The following ZNF407 variants were observed in gnomAD, a reference collection of about 807,000 sequenced individuals.
The protein encoded by ZNF407 is zinc finger protein 407.
ZNF407 carries 17 observed loss-of-function variants against 131.2 expected under a neutral mutation model. The observed-to-expected ratio is 0.13, with a 90% CI of 0.09 to 0.19. The LOEUF (loss-of-function observed/expected upper bound fraction) is 0.19. Ranked by LOEUF, ZNF407 falls within the 10% of genes least tolerant of loss-of-function variation. ZNF407 has a pLI of 1.00. For missense variants in ZNF407, 2,681 were observed against 2,830.6 expected, an observed-to-expected ratio of 0.95 and a Z score of 1.20; for synonymous variants, 1,156 against 1,062.0, an observed-to-expected ratio of 1.09 and a Z score of -1.72.
chr18:74,752,680 G>A (rs1266810113), intron 3 of ZNF407, among the ~76,000 whole-genome samples: 1 of 152,176 alleles, frequency 6.6e-6, no homozygotes, highest in Non-Finnish European at 1.5e-5. Context: ...AGATCAGATG[G>A]TTGTAGACGT....
intron 2 of ZNF407, among the ~76,000 whole-genome samples, chr18:74,636,141 A>T (rs1395632638): frequency 6.6e-6 from 1 of 152,192 alleles, no homozygotes; most frequent in Non-Finnish European, 1.5e-5. Context: ...AATATTCATC[A>T]TTAGATATTT....
At chr18:75,028,049 C>T (rs1335879708) in intron 8 of ZNF407, among the ~76,000 whole-genome samples, 1 of 152,170 alleles carries the variant, frequency 6.6e-6, no homozygotes, top group Non-Finnish European at 1.5e-5. Flanking sequence ...CCACTGCAGT[C>T]CTGGAAGATT....
chr18:74,724,416 C>T (rs1296512358), intron 3 of ZNF407, among the ~76,000 whole-genome samples: 1 of 152,058 alleles, frequency 6.6e-6, no homozygotes, highest in East Asian at 1.9e-4. Context: ...TGCAATAGAA[C>T]ACCAGAATGT....
chr18:74,913,050 T>C (rs1470839158), intron 7 of ZNF407, among the ~76,000 whole-genome samples: 36 of 152,204 alleles, frequency 2.4e-4, no homozygotes, highest in Non-Finnish European at 8.8e-5. Flanking sequence ...TTCAAAAATT[T>C]GGTAGCCCCC....
chr18:74,775,604 T>C (rs890097489), intron 3 of ZNF407, among the ~76,000 whole-genome samples: 1 of 152,222 alleles, frequency 6.6e-6, no homozygotes, highest in African/African-American at 2.4e-5. Context: ...CGACAGCAAC[T>C]TCACCATGCT....
At chr18:74,745,228 A>T (rs760673407) in intron 3 of ZNF407, among the ~76,000 whole-genome samples, 6 of 152,182 alleles carry the variant, frequency 3.9e-5, no homozygotes, top group Non-Finnish European at 7.4e-5. Context: ...AAAAGTTCCT[A>T]GGATTGTATG....
intron 3 of ZNF407, among the ~76,000 whole-genome samples, chr18:74,749,579 A>G (rs562201210): frequency 1.4e-4 from 22 of 152,364 alleles, no homozygotes; most frequent in South Asian, 1.2e-3. Context: ...GCAGTGAAAG[A>G]AAAAGAGGAA....
At chr18:74,849,052 C>CTTTTTTTTTTTTTTTTTTTTTTTTT (rs35529971) in intron 4 of ZNF407, among the ~76,000 whole-genome samples, 5 of 122,946 alleles carry the variant, frequency 4.1e-5, no homozygotes, top group African/African-American at 6.0e-5. Flanking sequence ...ACTTTTGTTT[C>CTTTTTTTTTTTTTTTTTTTTTTTTT]TTTTTTTTTT....
intron 3 of ZNF407, among the ~76,000 whole-genome samples, chr18:74,699,927 A>C (rs1469582933): frequency 1.3e-5 from 2 of 152,110 alleles, no homozygotes; most frequent in Non-Finnish European, 2.9e-5. Flanking sequence ...TCTCTTAGTA[A>C]ATTAAAGTTG....
intron 4 of ZNF407, among the ~76,000 whole-genome samples, chr18:74,867,716 T>A (rs1208479447): frequency 6.6e-6 from 1 of 152,238 alleles, no homozygotes; most frequent in Non-Finnish European, 1.5e-5. Context: ...CCATAATGTA[T>A]GTTTTTACTA....
intron 3 of ZNF407, among the ~76,000 whole-genome samples, chr18:74,699,022 T>C (rs1967428143): frequency 6.6e-6 from 1 of 152,214 alleles, no homozygotes; most frequent in Admixed American, 6.5e-5. Context: ...CGAAAAGCAG[T>C]GAAGAACACC....
chr18:74,863,447 TTCTG>T (rs1970966463), intron 4 of ZNF407, among the ~76,000 whole-genome samples: 1 of 152,122 alleles, frequency 6.6e-6, no homozygotes, highest in African/African-American at 2.4e-5. Flanking sequence ...CAAGTGTTTC[TTCTG>T]TCTTTTACCA....
In ZNF407 at chr18:74,951,569, T is replaced by C. The variant is rs1174181286; in HGVS notation, c.5428+30877T>C. The stretch of plus-strand genomic sequence containing the variant: ...TTTGCTGCTGCTTCCTTGATCATCA[T>C]CATAGCATCCCTAGATTGCTTAACT... On this transcript the variant is annotated intron_variant, in intron 8 of 8. Coordinates refer to ENST00000299687, the MANE Select transcript of ZNF407 (RefSeq NM_017757.3). Among the ~76,000 whole-genome samples, 4 of 152,284 alleles carry C rather than the reference T, an allele frequency of 2.6e-5. No individual in the cohort carries two copies. In the East Asian group the frequency reaches 7.7e-4, roughly 29 times the overall value.
intron 8 of ZNF407, among the ~76,000 whole-genome samples, chr18:75,008,610 T>C (rs925203098): frequency 6.6e-6 from 1 of 152,242 alleles, no homozygotes; most frequent in Non-Finnish European, 1.5e-5. Flanking sequence ...TTCTTTCTTA[T>C]TAGTCATTTG....
chr18:74,730,047 C>T (rs1295205155), intron 3 of ZNF407, among the ~76,000 whole-genome samples: 2 of 152,138 alleles, frequency 1.3e-5, no homozygotes, highest in Admixed American at 1.3e-4. Context: ...AGTATTCATT[C>T]AACAAACGCC....
intron 8 of ZNF407, among the ~76,000 whole-genome samples, chr18:74,975,177 G>A (rs1181045068): frequency 3.9e-5 from 6 of 152,220 alleles, no homozygotes; most frequent in African/African-American, 1.4e-4. Context: ...GGCTTCTGCT[G>A]AAATATGCTT....
intron 4 of ZNF407, among the ~76,000 whole-genome samples, chr18:74,845,704 G>T (rs1214084676): frequency 6.6e-6 from 1 of 152,228 alleles, no homozygotes; most frequent in Non-Finnish European, 1.5e-5. Flanking sequence ...GCAAGGAAAA[G>T]ATTGAGTTTA....
intron 8 of ZNF407, chr18:74,920,918 T>G: frequency 8.2e-7 from 1 of 1,220,056 alleles, no homozygotes; most frequent in Non-Finnish European, 1.0e-6. Context: ...GACAGAGTAA[T>G]TATTTGATGA....
intron 8 of ZNF407, among the ~76,000 whole-genome samples, chr18:75,039,690 C>T (rs1396854352): frequency 7.0e-6 from 1 of 143,378 alleles, no homozygotes; most frequent in East Asian, 2.0e-4. Flanking sequence ...GATTATCTCT[C>T]AGCCTATTTC....
Sources: gnomAD v4.1 joint callset for allele counts (sites outside exome capture counted in the v4.1 genomes callset) on GRCh38, gnomAD v4.1.1 for gene constraint, MANE v1.5 for transcripts, NCBI Gene and HGNC (gene_info 2026-07-23, HGNC 2026-07-21) for gene names.